CADM2: variants seen among roughly 807,000 people sequenced by gnomAD.
CADM2 encodes the protein cell adhesion molecule 2.
Under a neutral mutation model 49.8 loss-of-function variants are expected in CADM2, and 12 were observed. The observed-to-expected ratio is 0.24, with a 90% CI of 0.15 to 0.39. The LOEUF (loss-of-function observed/expected upper bound fraction) is 0.39, where lower values mean the gene tolerates loss of function less well. CADM2 is among the 10% of genes least tolerant of loss of function. CADM2 has a pLI of 1.00. For missense variants in CADM2, 378 were observed against 492.3 expected, an observed-to-expected ratio of 0.77 and a Z score of 2.20; for synonymous variants, 214 against 175.4, an observed-to-expected ratio of 1.22 and a Z score of -1.74.
chr3:85,534,793 T>A (rs1482057134), intron 1 of CADM2, among the ~76,000 whole-genome samples: 1 of 152,178 alleles, frequency 6.6e-6, no homozygotes, highest in Non-Finnish European at 1.5e-5. Flanking sequence ...TGTTTCAAGG[T>A]CTCTATCTTC....
At chr3:85,722,748 C>G (rs956472389) in intron 1 of CADM2, among the ~76,000 whole-genome samples, 34 of 152,224 alleles carry the variant, frequency 2.2e-4, no homozygotes, top group African/African-American at 7.9e-4. Context: ...TGTGACTAGT[C>G]ATATCAGTCT....
chr3:85,194,675 C>G (rs1027415713), intron 1 of CADM2, among the ~76,000 whole-genome samples: 2 of 151,928 alleles, frequency 1.3e-5, no homozygotes, highest in Non-Finnish European at 2.9e-5. Flanking sequence ...AGAAAGAAAT[C>G]TATTATTGTT....
chr3:85,961,130 A>G (rs114461582), intron 7 of CADM2, among the ~76,000 whole-genome samples: 6,124 of 150,228 alleles, frequency 0.041, 414 homozygotes, highest in African/African-American at 0.14. Flanking sequence ...ATTTGCCCCA[A>G]TAGCCTAAGG....
intron 3 of CADM2, among the ~76,000 whole-genome samples, chr3:85,810,713 T>C (rs970182924): frequency 6.6e-6 from 1 of 151,936 alleles, no homozygotes; most frequent in Non-Finnish European, 1.5e-5. Flanking sequence ...CTAATTTTTG[T>C]ATTTTTAGTA....
intron 1 of CADM2, among the ~76,000 whole-genome samples, chr3:85,682,386 C>T (rs1289142310): frequency 1.3e-5 from 2 of 152,140 alleles, no homozygotes; most frequent in East Asian, 3.9e-4. Context: ...AGGTAATTGT[C>T]TCACAGTTTT....
chr3:85,949,417 G>A (rs761074711), intron 7 of CADM2, among the ~76,000 whole-genome samples: 1 of 151,166 alleles, frequency 6.6e-6, no homozygotes, highest in Non-Finnish European at 1.5e-5. Context: ...GCTGGGTATT[G>A]CAGAAATTTA....
chr3:85,946,299 A>G (rs1348625840), intron 7 of CADM2, among the ~76,000 whole-genome samples: 2 of 150,242 alleles, frequency 1.3e-5, no homozygotes, highest in African/African-American at 5.0e-5. Flanking sequence ...CAAATGGAGG[A>G]ACATTCCATG....
At chr3:85,432,485 A>T (rs1392737352) in intron 1 of CADM2, among the ~76,000 whole-genome samples, 8 of 152,250 alleles carry the variant, frequency 5.3e-5, no homozygotes. Context: ...GAAGGGTTTG[A>T]ATGGTTGAAT....
At chr3:85,347,223 C>CAAAAA (rs11331703) in intron 1 of CADM2, among the ~76,000 whole-genome samples, 710 of 46,182 alleles carry the variant, frequency 0.015, 108 homozygotes, top group Middle Eastern at 0.033. Flanking sequence ...CTCTGTCTCA[C>CAAAAA]AAAAAAAAAA....
intron 3 of CADM2, among the ~76,000 whole-genome samples, chr3:85,808,515 G>C (rs2108109894): frequency 6.6e-6 from 1 of 152,152 alleles, no homozygotes; most frequent in East Asian, 1.9e-4. Context: ...AATTGAAGTA[G>C]CACAATCTGA....
At chr3:85,059,357 G>A (rs1218312870) in intron 1 of CADM2, among the ~76,000 whole-genome samples, 1 of 150,894 alleles carries the variant, frequency 6.6e-6, no homozygotes, top group African/African-American at 2.4e-5. Flanking sequence ...AAAGTCTTAC[G>A]AATTCATCTA....
chr3:85,667,625 T>A (rs1164536690), intron 1 of CADM2, among the ~76,000 whole-genome samples: 2 of 152,034 alleles, frequency 1.3e-5, no homozygotes, highest in African/African-American at 4.8e-5. Flanking sequence ...CAGATGTCTC[T>A]CTGAATTTTC....
chr3:85,481,718 A>T (rs940811496), intron 1 of CADM2, among the ~76,000 whole-genome samples: 1 of 151,750 alleles, frequency 6.6e-6, no homozygotes, highest in Non-Finnish European at 1.5e-5. Context: ...TCTTTCAAGC[A>T]TATTTAAATT....
chr3:85,828,829 G>A (rs1463912234), intron 3 of CADM2, among the ~76,000 whole-genome samples: 1 of 151,814 alleles, frequency 6.6e-6, no homozygotes. Flanking sequence ...ACCAGCTTTT[G>A]CAATACTGTA....
At chr3:85,230,018 T>C (rs2042251811) in intron 1 of CADM2, among the ~76,000 whole-genome samples, 2 of 152,294 alleles carry the variant, frequency 1.3e-5, no homozygotes, top group South Asian at 4.1e-4. Context: ...AAATGTCCTT[T>C]CCCACATTGA....
chr3:85,478,697 C>T lies in CADM2; in HGVS notation c.62-247825C>T, dbSNP rs1384685461. 6.6e-5 allele frequency among the ~76,000 whole-genome samples: 10 copies of T among 151,792 alleles called. No homozygotes were observed. The East Asian group carries it at 1.9e-3, about 29-fold the overall frequency. On this transcript the variant is annotated intron_variant, in intron 1 of 9. Transcript: ENST00000383699. ...TGAAATGCTTTCATTTTCTTAATGC[C>T]TTGAAATTACATTGAAATCTGGCGA...
chr3:85,476,586 A>G (rs1296773066), intron 1 of CADM2, among the ~76,000 whole-genome samples: 2 of 84,540 alleles, frequency 2.4e-5, no homozygotes, highest in South Asian at 8.7e-4. Context: ...TCCAAGGTCA[A>G]TGATTTGCCA....
chr3:85,191,841 T>C (rs2041215924), intron 1 of CADM2, among the ~76,000 whole-genome samples: 1 of 152,124 alleles, frequency 6.6e-6, no homozygotes, highest in African/African-American at 2.4e-5. Flanking sequence ...GTGTTTATTC[T>C]AAACTAATTC....
At chr3:85,595,402 C>T (rs2063215572) in intron 1 of CADM2, among the ~76,000 whole-genome samples, 1 of 151,998 alleles carries the variant, frequency 6.6e-6, no homozygotes, top group African/African-American at 2.4e-5. Flanking sequence ...AAACAGTTCA[C>T]AGAACTATAT....
Sources: allele counts gnomAD v4.1 joint callset (sites outside exome capture counted in the v4.1 genomes callset), GRCh38; gene constraint gnomAD v4.1.1; transcripts MANE v1.5; gene names NCBI Gene and HGNC (gene_info 2026-07-23, HGNC 2026-07-21).